LMBR1: variants seen among roughly 807,000 people sequenced by gnomAD.
LMBR1 encodes the protein limb region 1 protein homolog.
A neutral mutation model predicts 73.9 loss-of-function variants in LMBR1; 52 were observed. The ratio of observed to expected loss-of-function variants is 0.70; its 90% CI spans 0.56 to 0.89. The LOEUF (loss-of-function observed/expected upper bound fraction) is 0.89, where lower values mean the gene tolerates loss of function less well. LMBR1 is among the 40% of genes least tolerant of loss of function. LMBR1 has a pLI of 0.00. For synonymous variants in LMBR1, 215 were observed against 209.4 expected, an observed-to-expected ratio of 1.03 and a Z score of -0.23; for missense variants, 539 against 579.8, an observed-to-expected ratio of 0.93 and a Z score of 0.72.
chr7:156,857,213 CAG>C (rs1199863377), intron 1 of LMBR1, among the ~76,000 whole-genome samples: 1 of 151,924 alleles, frequency 6.6e-6, no homozygotes, highest in East Asian at 1.9e-4. Context: ...TTAAAAGAGA[CAG>C]AGTGGATAAA....
At chr7:156,798,390 C>T (rs903317401) in intron 4 of LMBR1, among the ~76,000 whole-genome samples, 3 of 152,180 alleles carry the variant, frequency 2.0e-5, no homozygotes, top group African/African-American at 4.8e-5. Context: ...CTTTCATCTT[C>T]TTTCTACCAA....
At chr7:156,752,631 T>G (rs1275317856) in intron 9 of LMBR1, among the ~76,000 whole-genome samples, 1 of 152,200 alleles carries the variant, frequency 6.6e-6, no homozygotes, top group Non-Finnish European at 1.5e-5. Context: ...AATTCTCTTA[T>G]GATTGCTTCT....
At chr7:156,701,153 A>C (rs1203405244) in intron 15 of LMBR1, among the ~76,000 whole-genome samples, 1 of 152,198 alleles carries the variant, frequency 6.6e-6, no homozygotes, top group Non-Finnish European at 1.5e-5. Flanking sequence ...ACACAGCCAC[A>C]CCATATCAAA....
At chr7:156,711,178 C>T (rs568947606) in intron 15 of LMBR1, among the ~76,000 whole-genome samples, 11 of 152,028 alleles carry the variant, frequency 7.2e-5, no homozygotes, top group African/African-American at 1.4e-4. Context: ...TGTGTGGTGG[C>T]GCACACCTGT....
rs1254818412 is a variant in LMBR1 at position 156,769,416 on chromosome 7, C to A, written c.424-5621G>T. ...ATTACAGGTAGGAGTAATGTAATTA[C>A]CAGGGGCCCTTCCTCCTCCGCCTCC... On this transcript the variant is annotated intron_variant, in intron 5 of 16. Transcript: ENST00000353442. Among the ~76,000 whole-genome samples, 15 of 152,270 alleles carry A rather than the reference C, an allele frequency of 9.9e-5. No individual in the cohort carries two copies. The East Asian group carries it at 2.7e-3, about 27-fold the overall frequency.
At chr7:156,774,462 T>C (rs1032898318) in intron 5 of LMBR1, among the ~76,000 whole-genome samples, 4 of 152,200 alleles carry the variant, frequency 2.6e-5, no homozygotes, top group Non-Finnish European at 4.4e-5. Flanking sequence ...TGGAATAACC[T>C]ATATGCTCAT....
chr7:156,676,206 C>T (rs1489018196), downstream of LMBR1: 1 of 1,468,316 alleles, frequency 6.8e-7, no homozygotes, highest in Admixed American at 2.2e-5. Context: ...GTTACTAACC[C>T]TTTCCACAGT....
At chr7:156,707,240 T>TA (rs113919302) in intron 15 of LMBR1, among the ~76,000 whole-genome samples, 3,998 of 152,062 alleles carry the variant, frequency 0.026, 182 homozygotes, top group African/African-American at 0.092. Context: ...TTGAATCCAT[T>TA]AAAAAAATCT....
At chr7:156,861,404 C>A (rs1797696927) in intron 1 of LMBR1, among the ~76,000 whole-genome samples, 1 of 152,140 alleles carries the variant, frequency 6.6e-6, no homozygotes, top group Non-Finnish European at 1.5e-5. Context: ...TGGGCCCTGC[C>A]TATGAAACCA....
intron 1 of LMBR1, among the ~76,000 whole-genome samples, chr7:156,886,052 A>G (rs1313318895): frequency 6.6e-6 from 1 of 151,800 alleles, no homozygotes; most frequent in East Asian, 2.0e-4. Flanking sequence ...AAAAAGAAAA[A>G]AAAAAAAAAA....
intron 9 of LMBR1, among the ~76,000 whole-genome samples, chr7:156,739,756 G>A (rs1416983517): frequency 6.6e-6 from 1 of 152,102 alleles, no homozygotes; most frequent in Non-Finnish European, 1.5e-5. Flanking sequence ...TGAATATCCG[G>A]AAAGCCTTCC....
chr7:156,721,654 T>C (rs1370816873), intron 15 of LMBR1, among the ~76,000 whole-genome samples: 1 of 152,030 alleles, frequency 6.6e-6, no homozygotes, highest in Non-Finnish European at 1.5e-5. Context: ...ATAGCATTAC[T>C]TTTTCAGGGT....
intron 1 of LMBR1, among the ~76,000 whole-genome samples, chr7:156,877,342 AATCCT>A: frequency 6.6e-6 from 1 of 152,256 alleles, no homozygotes; most frequent in Admixed American, 6.5e-5. Context: ...AATTGGTACC[AATCCT>A]ATCGACACTA....
chr7:156,767,700 T>C (rs745705525), intron 5 of LMBR1, among the ~76,000 whole-genome samples: 12 of 151,588 alleles, frequency 7.9e-5, no homozygotes, highest in Non-Finnish European at 1.6e-4. Context: ...GTTAATATAG[T>C]AAAAAACAGA....
chr7:156,697,064 T>C (rs1477820222), intron 15 of LMBR1, among the ~76,000 whole-genome samples: 1 of 151,946 alleles, frequency 6.6e-6, no homozygotes, highest in Non-Finnish European at 1.5e-5. Context: ...AGAGAGACAG[T>C]ACAAAGAGAG....
At chr7:156,695,158 A>T (rs908242617) in intron 15 of LMBR1, among the ~76,000 whole-genome samples, 4 of 152,160 alleles carry the variant, frequency 2.6e-5, no homozygotes, top group African/African-American at 9.7e-5. Flanking sequence ...GAAATTTAAA[A>T]ATTAGATGGC....
At chr7:156,686,624 G>T (rs760798177) in intron 16 of LMBR1, among the ~76,000 whole-genome samples, 20 of 152,154 alleles carry the variant, frequency 1.3e-4, no homozygotes, top group Non-Finnish European at 2.8e-4. Flanking sequence ...TTATGGTCAA[G>T]GAACTGACAT....
At chr7:156,823,525 A>T (rs916079501) in intron 4 of LMBR1, 3 of 152,238 alleles carry the variant, frequency 2.0e-5, no homozygotes, top group African/African-American at 7.2e-5. Context: ...AATGTTTCAC[A>T]AAGAGGACAG....
rs1343950098 is a variant in LMBR1, at chr7:156,680,403, A to AGAGAGAGAGAGAGAGAGTGTGTGTGTGT, written c.*3674_*3675insACACACACACACTCTCTCTCTCTCTCTC. On this transcript the variant is annotated 3_prime_UTR_variant, in exon 17 of 17. Transcript: ENST00000353442. ...GAGAGAGAGAGAGAGAGAGAGAGAG[A>AGAGAGAGAGAGAGAGAGTGTGTGTGTGT]GTGTGTGTGTGTGTGTGTGTGTAAT... The AGAGAGAGAGAGAGAGAGTGTGTGTGTGT allele has an allele frequency of 2.1e-3, 260 of 125,090 alleles. No homozygotes were observed. Among genetic ancestry groups the AGAGAGAGAGAGAGAGAGTGTGTGTGTGT allele is most frequent in the African/African-American group, 7.6e-3 (248 of 32,588 alleles). 7.7% of individuals were successfully genotyped at this position (125,090 alleles called of 1,614,324 possible).
Sources: gnomAD v4.1 joint callset for allele counts (sites outside exome capture counted in the v4.1 genomes callset) on GRCh38, gnomAD v4.1.1 for gene constraint, MANE v1.5 for transcripts, NCBI Gene and HGNC (gene_info 2026-07-23, HGNC 2026-07-21) for gene names.